ANKRD33B: variants seen among roughly 807,000 people sequenced by gnomAD.
ANKRD33B encodes ankyrin repeat domain-containing protein 33B.
Under a neutral mutation model 21.5 loss-of-function variants are expected in ANKRD33B, and 6 were observed. The observed-to-expected ratio is 0.28, with a 90% CI of 0.15 to 0.55. The LOEUF (loss-of-function observed/expected upper bound fraction) is 0.55, where lower values mean the gene tolerates loss of function less well. ANKRD33B is among the 20% of genes least tolerant of loss of function. ANKRD33B has a pLI of 0.94. For synonymous variants in ANKRD33B, 347 were observed against 342.4 expected, an observed-to-expected ratio of 1.01 and a Z score of -0.15; for missense variants, 698 against 747.2, an observed-to-expected ratio of 0.93 and a Z score of 0.77.
chr5:10,585,167 G>A (rs1439169606), intron 1 of ANKRD33B, among the ~76,000 whole-genome samples: 1 of 152,224 alleles, frequency 6.6e-6, no homozygotes, highest in Non-Finnish European at 1.5e-5. Flanking sequence ...GTAAGTGAGA[G>A]CTCTGCTGGC....
rs995341795 is a variant in ANKRD33B at position 10,652,040 on chromosome 5, C to T, written c.*1927C>T. ...GAGTTGGGATTGGCCATGTCTTCTT[C>T]GAGGAGGTGGAGACTGTAACTGACA... On this transcript the variant is annotated 3_prime_UTR_variant, in exon 4 of 4. Coordinates refer to ENST00000296657, the MANE Select transcript of ANKRD33B (RefSeq NM_001164440.2). The surrounding 1 kb of genome is among the most constrained non-coding windows in gnomAD (Gnocchi z 4.1). The T allele has an allele frequency of 2.6e-5, 4 of 152,490 alleles. No homozygotes were observed. Among genetic ancestry groups the T allele is most frequent in the East Asian group, 1.9e-4 (1 of 5,326 alleles). 9.4% of individuals were successfully genotyped at this position (152,490 alleles called of 1,614,324 possible).
intron 1 of ANKRD33B, among the ~76,000 whole-genome samples, chr5:10,572,861 A>G (rs565720102): frequency 1.3e-5 from 2 of 152,292 alleles, no homozygotes; most frequent in Admixed American, 1.3e-4. Context: ...GTCCTAATTC[A>G]AGGGCCAGGT....
chr5:10,624,455 G>C (rs933391168), intron 2 of ANKRD33B, among the ~76,000 whole-genome samples: 19 of 151,672 alleles, frequency 1.3e-4, no homozygotes, highest in African/African-American at 4.4e-4. Context: ...ACTGGCTTTT[G>C]TTATCTTCCC....
intron 1 of ANKRD33B, among the ~76,000 whole-genome samples, chr5:10,577,730 C>A (rs191409529): frequency 6.6e-6 from 1 of 152,338 alleles, no homozygotes; most frequent in East Asian, 1.9e-4. Context: ...CATAGCTCCG[C>A]AGTCAGTTTT....
chr5:10,655,096 GGAGA>G lies in ANKRD33B; in HGVS notation c.*4991_*4994del, dbSNP rs752898806. 17 of 152,504 alleles carry G rather than the reference GGAGA, an allele frequency of 1.1e-4. No homozygotes were observed. The highest frequency in any genetic ancestry group is 2.2e-4 in the Non-Finnish European group (15 of 68,088). 9.4% of individuals were successfully genotyped at this position (152,504 alleles called of 1,614,324 possible). A position where few individuals can be genotyped will look rare whatever the true frequency, so the allele number is the denominator to read the frequency against. ...AGGCAAGAGGCTCCTCCTGGGAGCA[GGAGA>G]GAGAGAGTTTGTGATGTTGGTTGGA... On this transcript the variant is annotated 3_prime_UTR_variant, in exon 4 of 4. Transcript: ENST00000296657.
intron 1 of ANKRD33B, among the ~76,000 whole-genome samples, chr5:10,601,732 C>G (rs114884342): frequency 3.9e-5 from 6 of 152,210 alleles, no homozygotes; most frequent in Non-Finnish European, 7.3e-5. Context: ...GCATGCTCTC[C>G]GTGGATGTGC....
At chr5:10,582,029 C>A (rs1371958202) in intron 1 of ANKRD33B, among the ~76,000 whole-genome samples, 1 of 152,226 alleles carries the variant, frequency 6.6e-6, no homozygotes, top group Non-Finnish European at 1.5e-5. Flanking sequence ...AGCTCTCAGC[C>A]CTGGACCACT....
rs1737455539 is a variant in ANKRD33B at position 10,655,234 on chromosome 5, T to A, written c.*5121T>A. Reference sequence around the variant, plus strand: ...GGAGCGGAGACGAGGCTGTTGTGAGTGAAACAGAAGCCCCTGGCATAGGGC... The same window carrying A: ...GGAGCGGAGACGAGGCTGTTGTGAGAGAAACAGAAGCCCCTGGCATAGGGC... On this transcript the variant is annotated 3_prime_UTR_variant, in exon 4 of 4. Coordinates refer to ENST00000296657, the MANE Select transcript of ANKRD33B (RefSeq NM_001164440.2). 6.6e-6 allele frequency: 1 copy of A among 152,142 alleles called. No homozygotes were observed. 9.4% of individuals were successfully genotyped at this position (152,142 alleles called of 1,614,324 possible).
chr5:10,586,498 T>A (rs1380806942), intron 1 of ANKRD33B, among the ~76,000 whole-genome samples: 2 of 127,538 alleles, frequency 1.6e-5, no homozygotes, highest in East Asian at 4.1e-4. Context: ...TGTGTGTGTG[T>A]GTGTGTGTGT....
At chr5:10,632,816 C>T (rs113041730) in intron 2 of ANKRD33B, among the ~76,000 whole-genome samples, 29,316 of 152,180 alleles carry the variant, frequency 0.19, 3,064 homozygotes, top group Non-Finnish European at 0.24. Context: ...GAGACAGTGT[C>T]TTGCTCTGTT....
At chr5:10,594,626 C>T (rs141837208) in intron 1 of ANKRD33B, among the ~76,000 whole-genome samples, 14 of 152,284 alleles carry the variant, frequency 9.2e-5, no homozygotes, top group Non-Finnish European at 1.6e-4. Context: ...ATGGGGTTCA[C>T]GACCTCAAAA....
intron 2 of ANKRD33B, among the ~76,000 whole-genome samples, chr5:10,623,509 G>A (rs565275134): frequency 2.6e-5 from 4 of 152,192 alleles, no homozygotes; most frequent in South Asian, 2.1e-4. Context: ...ATCCCACCAC[G>A]AGGACCCCTC....
chr5:10,637,894 G>C, intron 2 of ANKRD33B, 134 bp from the exon 3 acceptor site: 1 of 1,044,760 alleles, frequency 9.6e-7, no homozygotes, highest in Non-Finnish European at 1.4e-6. Flanking sequence ...CTTGGGGTCC[G>C]AGAAAAACTC....
In ANKRD33B at chr5:10,655,586, C is replaced by T. The variant is rs34815171; in HGVS notation, c.*5473C>T. The T allele has an allele frequency of 6.6e-6, 1 of 152,442 alleles. No individual in the cohort carries two copies. The highest frequency in any genetic ancestry group is 1.9e-4 in the East Asian group (1 of 5,328). The allele number at this position is 152,442 out of a possible 1,614,324, so 9.4% of individuals were successfully genotyped here. On this transcript the variant is annotated 3_prime_UTR_variant, in exon 4 of 4. Coordinates refer to ENST00000296657, the MANE Select transcript of ANKRD33B (RefSeq NM_001164440.2). ...GCCGGAGACGCAGGCTTGCTCATTT[C>T]CGTCCTGACACAGCTCGCTGTTCCT...
intron 1 of ANKRD33B, among the ~76,000 whole-genome samples, chr5:10,574,513 G>A (rs1735274137): frequency 6.6e-6 from 1 of 152,034 alleles, no homozygotes; most frequent in Non-Finnish European, 1.5e-5. Flanking sequence ...AATTTGTGGG[G>A]AAAAGCAAAA....
At position 10,573,978 on chromosome 5, in the gene ANKRD33B, T is replaced by G. The variant is rs145773748; in HGVS notation, c.366+9145T>G. ...CAAACAGGTAACACCATCATACCCC[T>G]CCACTCCCCATCACAAATAAAAGGG... On this transcript the variant is annotated intron_variant, in intron 1 of 3. Transcript: ENST00000296657. Among the ~76,000 whole-genome samples the G allele has an allele frequency of 1.3e-3, 193 of 152,276 alleles. 1 individual carries two copies. The highest frequency in any genetic ancestry group is 0.01 in the Middle Eastern group (3 of 294).
chr5:10,629,856 A>C (rs1018191139), intron 2 of ANKRD33B, among the ~76,000 whole-genome samples: 1 of 152,188 alleles, frequency 6.6e-6, no homozygotes, highest in African/African-American at 2.4e-5. Flanking sequence ...GAGAGGAGTG[A>C]GTGGGAAATG....
At chr5:10,583,671 C>T (rs761344692) in intron 1 of ANKRD33B, among the ~76,000 whole-genome samples, 5 of 152,002 alleles carry the variant, frequency 3.3e-5, no homozygotes, top group Admixed American at 6.6e-5. Flanking sequence ...CTGCTCTCTC[C>T]TGCCTCTTCC....
Position 10,655,128 on chromosome 5 carries a change from A to C in ANKRD33B, c.*5015A>C, listed in dbSNP as rs952532116. 2.0e-5 allele frequency: 3 copies of C among 152,292 alleles called. No individual in the cohort carries two copies. The highest frequency in any genetic ancestry group is 7.2e-5 in the African/African-American group (3 of 41,424). The allele number at this position is 152,292 out of a possible 1,614,324, so 9.4% of individuals were successfully genotyped here. On this transcript the variant is annotated 3_prime_UTR_variant, in exon 4 of 4. Coordinates refer to ENST00000296657, the MANE Select transcript of ANKRD33B (RefSeq NM_001164440.2). ...GAGAGTTTGTGATGTTGGTTGGAAA[A>C]TAGGATTTATGGATGCAGGAGGGCC...
Sources: allele counts gnomAD v4.1 joint callset (sites outside exome capture counted in the v4.1 genomes callset), GRCh38; gene constraint gnomAD v4.1.1; non-coding constraint Gnocchi (gnomAD v3.1); transcripts MANE v1.5; gene names NCBI Gene and HGNC (gene_info 2026-07-23, HGNC 2026-07-21).